PRUNE2: variants seen among roughly 807,000 people sequenced by gnomAD.
PRUNE2 encodes the protein prune homolog 2 with BCH domain, also known as protein prune homolog 2.
In PRUNE2, 164 loss-of-function variants were observed where a neutral mutation model predicts 252.0. The observed-to-expected ratio is 0.65, with a 90% CI of 0.57 to 0.74. The LOEUF is 0.74. PRUNE2 is among the 30% of genes least tolerant of loss of function. The probability of loss-of-function intolerance (pLI) is 0.00; values close to 1 mark genes in which losing one functional copy is unlikely to be tolerated. For synonymous variants in PRUNE2, 1,292 were observed against 1,350.2 expected, an observed-to-expected ratio of 0.96 and a Z score of 0.94; for missense variants, 3,495 against 3,711.0, an observed-to-expected ratio of 0.94 and a Z score of 1.51.
At chr9:76,694,308 G>C (rs908192515) in intron 9 of PRUNE2, among the ~76,000 whole-genome samples, 4 of 152,022 alleles carry the variant, frequency 2.6e-5, no homozygotes, top group Admixed American at 2.6e-4. Context: ...TCAGCTTCCT[G>C]AGTAGCTGGG....
chr9:76,712,944 A>T (rs1411802548), intron 7 of PRUNE2, among the ~76,000 whole-genome samples: 1 of 152,192 alleles, frequency 6.6e-6, no homozygotes, highest in Non-Finnish European at 1.5e-5. Context: ...ATTAGTGAAG[A>T]GAAATAAGTA....
chr9:76,725,535 A>G (rs1347244127), intron 6 of PRUNE2, among the ~76,000 whole-genome samples: 14 of 152,092 alleles, frequency 9.2e-5, no homozygotes, highest in Admixed American at 9.2e-4. Flanking sequence ...TATCAACCCA[A>G]TGAAAGTAAT....
rs1297390368 is a variant in PRUNE2, at chr9:76,850,600, G to T, written c.207C>A (p.Phe69Leu). 6.2e-7 allele frequency: 1 copy of T among 1,613,994 alleles called. No individual in the cohort carries two copies. Among genetic ancestry groups the T allele is most frequent in the Non-Finnish European group, 8.5e-7 (1 of 1,179,870 alleles). The stretch of plus-strand genomic sequence containing the variant: ...CTTCTAAAATAAACCTCGTCTCGGT[G>T]AAGTAGTTGAATTCAGTTCTTGGTA... ...LNIPRTEFNY[F>L]TETRFILEEL... Residue 69 changes from phenylalanine (F) to leucine (L), a missense_variant, in exon 3 of 19, where the codon TTC becomes TTA. Physicochemically the swap from Phe to Leu is conservative, Grantham distance 22. Transcript: ENST00000376718.
At chr9:76,692,415 T>C (rs1480230006) in intron 9 of PRUNE2, 4 of 456,102 alleles carry the variant, frequency 8.8e-6, no homozygotes, top group East Asian at 3.9e-5. Context: ...TGGATGTGAA[T>C]GGGCTCAAAG....
rs535266328 is a variant in PRUNE2, at chr9:76,652,516, C to T, written c.8524G>A (p.Asp2842Asn). Residue 2842 changes from aspartate (D) to asparagine (N), a missense_variant, in exon 11 of 19, where the codon GAT becomes AAT. By Grantham distance (23) the Asp-to-Asn change is conservative (BLOSUM62 1). Coordinates refer to ENST00000376718, the MANE Select transcript of PRUNE2 (RefSeq NM_015225.3). ...DINVDELDTPDEADSFEYTGH... is the reference protein window; with the variant it reads ...DINVDELDTPNEADSFEYTGH... The stretch of plus-strand genomic sequence containing the variant: ...GTGTACTCAAAAGAATCTGCTTCAT[C>T]GGGGGTATCAAGTTCATCCACATTG... The T allele has an allele frequency of 7.4e-6, 12 of 1,613,192 alleles. No homozygotes were observed. The Admixed American group carries it at 1.0e-4, about 13-fold the overall frequency.
At chr9:76,761,992 A>C (rs1256932452) in intron 6 of PRUNE2, among the ~76,000 whole-genome samples, 1 of 152,256 alleles carries the variant, frequency 6.6e-6, no homozygotes, top group Non-Finnish European at 1.5e-5. Flanking sequence ...CATATTTAAA[A>C]GACAACTTCA....
intron 9 of PRUNE2, among the ~76,000 whole-genome samples, chr9:76,681,137 T>C (rs1025990510): frequency 6.6e-6 from 1 of 152,160 alleles, no homozygotes; most frequent in African/African-American, 2.4e-5. Flanking sequence ...GAGGACAGCA[T>C]GCTAAATGAA....
chr9:76,820,067 G>A (rs1317069660), intron 6 of PRUNE2, among the ~76,000 whole-genome samples: 5 of 152,166 alleles, frequency 3.3e-5, no homozygotes, highest in African/African-American at 4.8e-5. Flanking sequence ...TCCCCCACAA[G>A]ACGCATGCTA....
chr9:76,798,367 A>G (rs1489401144), intron 6 of PRUNE2, among the ~76,000 whole-genome samples: 3 of 152,186 alleles, frequency 2.0e-5, no homozygotes, highest in African/African-American at 4.8e-5. Flanking sequence ...AGGTACCTCA[A>G]TAAGTGAAAT....
At chr9:76,674,302 G>A (rs376670094) in intron 9 of PRUNE2, among the ~76,000 whole-genome samples, 32 of 152,086 alleles carry the variant, frequency 2.1e-4, no homozygotes, top group East Asian at 3.8e-4. Context: ...ACTCCCATTC[G>A]CAATTGCTTC....
chr9:76,691,943 C>T, intron 9 of PRUNE2: 1 of 636,612 alleles, frequency 1.6e-6, no homozygotes, highest in South Asian at 1.8e-5. Context: ...AATTCGGCAT[C>T]CTCTCATCCC....
Position 76,710,800 on chromosome 9 carries a change from C to A in PRUNE2, c.1474G>T (p.Asp492Tyr). The A allele has an allele frequency of 6.3e-7, 1 of 1,581,216 alleles. No individual in the cohort carries two copies. Reference sequence around the variant, plus strand: ...GGTGCTGGGTCAAAATTGAAGAGGTCGAAGTGCTCACCGTGTTCTCCAGAC... The same window carrying A: ...GGTGCTGGGTCAAAATTGAAGAGGTAGAAGTGCTCACCGTGTTCTCCAGAC... ...AWSGEHGEHFDLFNFDPAPMA... is the reference protein window; with the variant it reads ...AWSGEHGEHFYLFNFDPAPMA... The change falls in exon 8 of 19, where the codon GAC (aspartate) becomes TAC (tyrosine). Residue 492 changes from aspartate (D) to tyrosine (Y), a missense_variant. Asp to Tyr is a radical substitution (Grantham distance 160, BLOSUM62 -3). Coordinates refer to ENST00000376718, the MANE Select transcript of PRUNE2 (RefSeq NM_015225.3).
In PRUNE2 at chr9:76,905,271, A is replaced by T. The variant is rs192923873; in HGVS notation, c.36+657T>A. On this transcript the variant is annotated intron_variant, in intron 1 of 18. Transcript: ENST00000376718. ...CTGTTTGGACAGTGATATGGTAAAC[A>T]TGGGCTAACACACAGGTCTGCTCCC... Among the ~76,000 whole-genome samples, 164 of 152,358 alleles carry T rather than the reference A, an allele frequency of 1.1e-3. 1 individual carries two copies. The highest frequency in any genetic ancestry group is 3.8e-3 in the African/African-American group (156 of 41,584).
At chr9:76,695,116 A>C (rs1287334840) in intron 9 of PRUNE2, among the ~76,000 whole-genome samples, 1 of 152,090 alleles carries the variant, frequency 6.6e-6, no homozygotes, top group Non-Finnish European at 1.5e-5. Flanking sequence ...GCCCACTGCG[A>C]TCTCCATCTC....
At chr9:76,815,339 A>G (rs528854104) in intron 6 of PRUNE2, among the ~76,000 whole-genome samples, 3 of 152,362 alleles carry the variant, frequency 2.0e-5, no homozygotes, top group Non-Finnish European at 4.4e-5. Flanking sequence ...TGGGTAATGT[A>G]TAAGTAATAG....
intron 6 of PRUNE2, among the ~76,000 whole-genome samples, chr9:76,790,131 T>C (rs2055414733): frequency 6.6e-6 from 1 of 152,164 alleles, no homozygotes; most frequent in African/African-American, 2.4e-5. Flanking sequence ...TGAAGCTTCC[T>C]CTGAACCCTC....
intron 4 of PRUNE2, among the ~76,000 whole-genome samples, chr9:76,834,764 T>A (rs2058861522): frequency 6.6e-6 from 1 of 152,252 alleles, no homozygotes; most frequent in African/African-American, 2.4e-5. Flanking sequence ...TGAGCTATTT[T>A]GACTGCACAA....
intron 6 of PRUNE2, among the ~76,000 whole-genome samples, chr9:76,765,543 G>C (rs1431831227): frequency 1.3e-5 from 2 of 152,146 alleles, no homozygotes; most frequent in Non-Finnish European, 2.9e-5. Context: ...TTAGCACACT[G>C]TCTGATGGGG....
intron 3 of PRUNE2, among the ~76,000 whole-genome samples, 167 bp from the exon 4 acceptor site, chr9:76,846,845 CA>C (rs995282195): frequency 2.0e-5 from 3 of 152,196 alleles, no homozygotes; most frequent in Non-Finnish European, 2.9e-5. Flanking sequence ...CGTATTTTCA[CA>C]TTTCATTAAA....
Sources: allele counts gnomAD v4.1 joint callset (sites outside exome capture counted in the v4.1 genomes callset), GRCh38; gene constraint gnomAD v4.1.1; transcripts MANE v1.5; gene names NCBI Gene and HGNC (gene_info 2026-07-23, HGNC 2026-07-21).